Variants in ACYP2 observed in about 807,000 individuals in gnomAD.
ACYP2 encodes acylphosphatase-2.
In ACYP2, 12 loss-of-function variants were observed where a neutral mutation model predicts 11.2. The observed-to-expected ratio is 1.08, with a 90% CI of 0.69 to 1.74. The LOEUF is 1.74. Ranked by LOEUF, ACYP2 falls within the 40% of genes most tolerant of loss-of-function variation. ACYP2 has a pLI of 0.00. For synonymous variants in ACYP2, 43 were observed against 32.2 expected, an observed-to-expected ratio of 1.33 and a Z score of -1.13; for missense variants, 134 against 101.9, an observed-to-expected ratio of 1.31 and a Z score of -1.35.
intron 6 of ACYP2, among the ~76,000 whole-genome samples, chr2:54,200,294 T>TA (rs1684699974): frequency 6.6e-6 from 1 of 152,170 alleles, no homozygotes; most frequent in African/African-American, 2.4e-5. Flanking sequence ...CATGTGCATA[T>TA]ATCTATATAT....
intron 2 of ACYP2, among the ~76,000 whole-genome samples, chr2:54,003,111 G>A (rs1418929889): frequency 1.3e-5 from 2 of 152,014 alleles, no homozygotes; most frequent in African/African-American, 4.8e-5. Context: ...ATCATGCACA[G>A]CTAATTTTTT....
chr2:54,245,282 T>C (rs1309348439), intron 6 of ACYP2, among the ~76,000 whole-genome samples: 6 of 152,230 alleles, frequency 3.9e-5, no homozygotes, highest in Admixed American at 2.0e-4. Flanking sequence ...CATTTATCTA[T>C]TGTTGGACAT....
intron 4 of ACYP2, among the ~76,000 whole-genome samples, chr2:54,118,792 TG>T (rs1433809364): frequency 6.6e-6 from 1 of 152,214 alleles, no homozygotes; most frequent in African/African-American, 2.4e-5. Flanking sequence ...AGAGAGTACA[TG>T]CCCACTATTG....
intron 4 of ACYP2, among the ~76,000 whole-genome samples, chr2:54,085,829 T>G (rs1026547630): frequency 6.6e-5 from 10 of 152,214 alleles, no homozygotes; most frequent in African/African-American, 2.2e-4. Flanking sequence ...CTTTCAACTT[T>G]TTTGAAGGCT....
intron 4 of ACYP2, among the ~76,000 whole-genome samples, chr2:54,102,267 C>T (rs1678935970): frequency 6.6e-6 from 1 of 152,104 alleles, no homozygotes; most frequent in Admixed American, 6.6e-5. Context: ...AGGACAAATA[C>T]AAGTAAGATA....
chr2:54,083,206 C>T (rs1677760566), intron 4 of ACYP2, among the ~76,000 whole-genome samples: 1 of 152,264 alleles, frequency 6.6e-6, no homozygotes, highest in Admixed American at 6.5e-5. Flanking sequence ...GTTATTGAAG[C>T]GAGCACAAAT....
chr2:54,240,662 C>T (rs556824127), intron 6 of ACYP2, among the ~76,000 whole-genome samples: 5 of 152,254 alleles, frequency 3.3e-5, no homozygotes, highest in East Asian at 3.9e-4. Flanking sequence ...GACTCAGGCT[C>T]GTATTACAAA....
intron 6 of ACYP2, among the ~76,000 whole-genome samples, chr2:54,170,169 T>C (rs1235084655): frequency 6.6e-6 from 1 of 152,182 alleles, no homozygotes; most frequent in East Asian, 1.9e-4. Context: ...TCTTTTTATT[T>C]TGAGACAGAC....
chr2:54,147,442 C>G (rs1681946561), intron 6 of ACYP2, among the ~76,000 whole-genome samples: 1 of 152,112 alleles, frequency 6.6e-6, no homozygotes, highest in Admixed American at 6.5e-5. Context: ...GGTAAGCTGA[C>G]TTGCTTCTCA....
chr2:54,071,392 A>AATCT (rs1017982630), intron 4 of ACYP2, among the ~76,000 whole-genome samples: 1 of 152,124 alleles, frequency 6.6e-6, no homozygotes, highest in African/African-American at 2.4e-5. Flanking sequence ...AATACAAAGG[A>AATCT]ATCTACAAAA....
chr2:54,022,666 G>A (rs1045403857), intron 2 of ACYP2, among the ~76,000 whole-genome samples: 1 of 152,116 alleles, frequency 6.6e-6, no homozygotes, highest in African/African-American at 2.4e-5. Flanking sequence ...CCGGGCATGA[G>A]CCGCTGTGCC....
At chr2:53,980,692 A>G (rs146075147) in intron 2 of ACYP2, among the ~76,000 whole-genome samples, 235 of 152,160 alleles carry the variant, frequency 1.5e-3, no homozygotes, top group African/African-American at 5.4e-3. Flanking sequence ...CACTGACATA[A>G]CCTAGAGCAA....
chr2:54,197,127 G>A (rs1190456807), intron 6 of ACYP2, among the ~76,000 whole-genome samples: 1 of 152,216 alleles, frequency 6.6e-6, no homozygotes, highest in Non-Finnish European at 1.5e-5. Context: ...GAGCAAGCCT[G>A]AGACAGTGAG....
chr2:54,238,863 T>C (rs1004246572), intron 6 of ACYP2, among the ~76,000 whole-genome samples: 1 of 151,552 alleles, frequency 6.6e-6, no homozygotes, highest in South Asian at 2.1e-4. Context: ...AAAACTGATA[T>C]CCCTACCAAC....
At chr2:54,218,693 A>AGTGGTAACAG (rs146890845) in intron 6 of ACYP2, among the ~76,000 whole-genome samples, 1 of 151,836 alleles carries the variant, frequency 6.6e-6, no homozygotes, top group Non-Finnish European at 1.5e-5. Flanking sequence ...GGGGTGGTAT[A>AGTGGTAACAG]GTGGTACTAG....
chr2:54,152,875 G>C (rs190910276), intron 6 of ACYP2, among the ~76,000 whole-genome samples: 179 of 152,134 alleles, frequency 1.2e-3, no homozygotes, highest in Middle Eastern at 3.4e-3. Context: ...TGTTGCCCAG[G>C]CTGGTCTCAA....
chr2:54,004,802 G>T (rs977075659), intron 2 of ACYP2, among the ~76,000 whole-genome samples: 2 of 150,020 alleles, frequency 1.3e-5, no homozygotes, highest in African/African-American at 4.9e-5. Flanking sequence ...GGCTGAGGCA[G>T]GAGAATCACT....
chr2:53,988,849 G>C (rs1272835342), intron 2 of ACYP2, among the ~76,000 whole-genome samples: 1 of 151,994 alleles, frequency 6.6e-6, no homozygotes, highest in Non-Finnish European at 1.5e-5. Context: ...GGGTTCATGC[G>C]ATTTTCCCTG....
intron 6 of ACYP2, among the ~76,000 whole-genome samples, chr2:54,206,394 C>T (rs1456537796): frequency 1.3e-5 from 2 of 152,150 alleles, no homozygotes; most frequent in Non-Finnish European, 2.9e-5. Flanking sequence ...ATTCTCCTAT[C>T]CACTTAAAAT....
Sources: allele counts gnomAD v4.1 joint callset (sites outside exome capture counted in the v4.1 genomes callset), GRCh38; gene constraint gnomAD v4.1.1; transcripts MANE v1.5; gene names NCBI Gene and HGNC (gene_info 2026-07-23, HGNC 2026-07-21).